ZFPM2: variants seen among roughly 807,000 people sequenced by gnomAD.
The protein encoded by ZFPM2 is zinc finger protein ZFPM2.
ZFPM2 carries 20 observed loss-of-function variants against 98.6 expected under a neutral mutation model. The ratio of observed to expected loss-of-function variants is 0.20; its 90% CI spans 0.14 to 0.29. The LOEUF is 0.29. ZFPM2 is among the 10% of genes least tolerant of loss of function. The pLI, the probability that ZFPM2 is intolerant of heterozygous loss-of-function variation, is 1.00. For synonymous variants in ZFPM2, 518 were observed against 502.7 expected (o/e 1.03, Z -0.41); for missense variants, 1,310 against 1,388.6 (o/e 0.94, Z 0.90).
At chr8:105,764,309 C>CAT (rs1812808343) in intron 5 of ZFPM2, among the ~76,000 whole-genome samples, 1 of 151,256 alleles carries the variant, frequency 6.6e-6, no homozygotes, top group African/African-American at 2.4e-5. Context: ...CACACACACA[C>CAT]ACACACACAC....
intron 3 of ZFPM2, among the ~76,000 whole-genome samples, chr8:105,551,613 A>G (rs1323790880): frequency 6.6e-6 from 1 of 152,070 alleles, no homozygotes; most frequent in Non-Finnish European, 1.5e-5. Context: ...TAATGCTTTT[A>G]TTTTTCCCTT....
rs200639878 is a variant in ZFPM2, at chr8:105,456,146, G to GTTTTTTTTTT, written c.301+11774_301+11775insTTTTTTTTTT. Among the ~76,000 whole-genome samples the GTTTTTTTTTT allele has an allele frequency of 7.5e-5, 7 of 93,344 alleles. 1 individual carries two copies. Among genetic ancestry groups the GTTTTTTTTTT allele is most frequent in the African/African-American group, 9.9e-5 (3 of 30,216 alleles). 61.2% of individuals were successfully genotyped at this position (93,344 alleles called of 152,430 possible). A position where few individuals can be genotyped will look rare whatever the true frequency, so the allele number is the denominator to read the frequency against. The stretch of plus-strand genomic sequence containing the variant: ...AGAAGATGGGGAAAACCAGGAAAAT[G>GTTTTTTTTTT]TTTTTTTTTGTTTGTTTGTTTGTTT... On this transcript the variant is annotated intron_variant, in intron 3 of 7. Transcript: ENST00000407775.
intron 5 of ZFPM2, among the ~76,000 whole-genome samples, chr8:105,745,192 A>G (rs1202197191): frequency 4.6e-5 from 7 of 152,120 alleles, no homozygotes. Context: ...GCTATATTGT[A>G]TCATCATCTA....
intron 6 of ZFPM2, among the ~76,000 whole-genome samples, chr8:105,794,131 T>C (rs1036523776): frequency 3.6e-4 from 55 of 152,326 alleles, no homozygotes; most frequent in African/African-American, 1.3e-3. Flanking sequence ...CTGTGATCCT[T>C]TGGAGGAGGA....
intron 5 of ZFPM2, among the ~76,000 whole-genome samples, chr8:105,638,491 GT>G (rs896201628): frequency 6.6e-6 from 1 of 151,994 alleles, no homozygotes; most frequent in African/African-American, 2.4e-5. Flanking sequence ...TTATTTGTTT[GT>G]TTTCCTAAAA....
chr8:105,570,065 C>T (rs1815323089), intron 4 of ZFPM2, among the ~76,000 whole-genome samples: 1 of 152,056 alleles, frequency 6.6e-6, no homozygotes, highest in Admixed American at 6.6e-5. Flanking sequence ...CCCTGTTCCT[C>T]TTGGGAAACA....
At chr8:105,472,648 G>T (rs540730381) in intron 3 of ZFPM2, among the ~76,000 whole-genome samples, 1 of 151,744 alleles carries the variant, frequency 6.6e-6, no homozygotes, top group African/African-American at 2.4e-5. Context: ...GACTACAGGC[G>T]CCCACCATCG....
At chr8:105,698,865 A>T (rs1811077150) in intron 5 of ZFPM2, among the ~76,000 whole-genome samples, 1 of 152,144 alleles carries the variant, frequency 6.6e-6, no homozygotes, top group Non-Finnish European at 1.5e-5. Flanking sequence ...ATATCTTTTC[A>T]TCTAGAACAT....
chr8:105,714,375 T>C (rs966509975), intron 5 of ZFPM2, among the ~76,000 whole-genome samples: 6 of 152,016 alleles, frequency 3.9e-5, no homozygotes, highest in African/African-American at 1.4e-4. Flanking sequence ...GCAGAGTCTT[T>C]AGGGTTTTCT....
chr8:105,726,771 G>T (rs78317152), intron 5 of ZFPM2, among the ~76,000 whole-genome samples: 1 of 151,698 alleles, frequency 6.6e-6, no homozygotes, highest in Non-Finnish European at 1.5e-5. Context: ...AAGCCTGCCT[G>T]TTGTGGGCTA....
At chr8:105,352,057 C>T (rs575430229) in intron 1 of ZFPM2, among the ~76,000 whole-genome samples, 2 of 151,968 alleles carry the variant, frequency 1.3e-5, no homozygotes, top group Non-Finnish European at 1.5e-5. Flanking sequence ...GGTTGCATGC[C>T]GAAATGAGAA....
chr8:105,740,742 T>A (rs1812195697), intron 5 of ZFPM2, among the ~76,000 whole-genome samples: 1 of 151,770 alleles, frequency 6.6e-6, no homozygotes, highest in Non-Finnish European at 1.5e-5. Flanking sequence ...AATATAGCAG[T>A]GAACCTGCTT....
intron 1 of ZFPM2, among the ~76,000 whole-genome samples, chr8:105,380,999 C>T (rs1042885688): frequency 7.4e-6 from 1 of 135,784 alleles, no homozygotes; most frequent in African/African-American, 2.7e-5. Flanking sequence ...CATAGGTATA[C>T]ACATGCCGTG....
At chr8:105,325,457 G>A (rs2130653695) in intron 1 of ZFPM2, among the ~76,000 whole-genome samples, 1 of 151,804 alleles carries the variant, frequency 6.6e-6, no homozygotes, top group East Asian at 1.9e-4. Context: ...TGCTTGTAGG[G>A]ATCAATATTA....
chr8:105,802,056 C>T lies in ZFPM2; in HGVS notation c.1974C>T (p.Asn658=), dbSNP rs376908484. 3 of 1,613,772 alleles carry T rather than the reference C, an allele frequency of 1.9e-6. No individual in the cohort carries two copies. Among genetic ancestry groups the T allele is most frequent in the East Asian group, 2.2e-5 (1 of 44,826 alleles). ...TQTKKLSTSS[N]NDDKINGKPV... is the part of the protein sequence containing the mutation. ...CTAAGAAGCTCTCCACCTCCAGTAA[C>T]AATGATGACAAAATTAATGGAAAAC... Residue 658 remains asparagine, a synonymous_variant, in exon 8 of 8, where the codon AAC becomes AAT. Coordinates refer to ENST00000407775, the MANE Select transcript of ZFPM2 (RefSeq NM_012082.4).
intron 5 of ZFPM2, among the ~76,000 whole-genome samples, chr8:105,718,043 G>A (rs1811565895): frequency 6.6e-6 from 1 of 151,510 alleles, no homozygotes; most frequent in Admixed American, 6.6e-5. Flanking sequence ...TAACTCCCTG[G>A]GATGCTTTCA....
chr8:105,484,878 G>T (rs1269218876), intron 3 of ZFPM2, among the ~76,000 whole-genome samples: 1 of 152,138 alleles, frequency 6.6e-6, no homozygotes, highest in Non-Finnish European at 1.5e-5. Flanking sequence ...TTTGCCCTAG[G>T]AATATTACCA....
At chr8:105,766,747 C>G (rs1812860571) in intron 5 of ZFPM2, among the ~76,000 whole-genome samples, 1 of 151,786 alleles carries the variant, frequency 6.6e-6, no homozygotes, top group South Asian at 2.1e-4. Context: ...ATCCATTTCT[C>G]AGACCTATAA....
At chr8:105,713,901 G>A (rs80300253) in intron 5 of ZFPM2, among the ~76,000 whole-genome samples, 1 of 152,156 alleles carries the variant, frequency 6.6e-6, no homozygotes, top group African/African-American at 2.4e-5. Context: ...GATGTCTCCA[G>A]CTTTGTTCTT....
Sources: gnomAD v4.1 joint callset for allele counts (sites outside exome capture counted in the v4.1 genomes callset) on GRCh38, gnomAD v4.1.1 for gene constraint, MANE v1.5 for transcripts, NCBI Gene and HGNC (gene_info 2026-07-23, HGNC 2026-07-21) for gene names.